Variants in SCN8A observed in about 807,000 individuals in gnomAD.
SCN8A encodes sodium channel protein type 8 subunit alpha.
A neutral mutation model predicts 184.1 loss-of-function variants in SCN8A; 30 were observed. That is an observed-to-expected ratio of 0.16 (90% CI 0.12 to 0.22). The LOEUF (loss-of-function observed/expected upper bound fraction) is 0.22. Ranked by LOEUF, SCN8A falls within the 10% of genes least tolerant of loss-of-function variation. The pLI, the probability that SCN8A is intolerant of heterozygous loss-of-function variation, is 1.00. For missense variants in SCN8A, 1,057 were observed against 2,498.9 expected, an observed-to-expected ratio of 0.42 and a Z score of 12.30; for synonymous variants, 852 against 907.0, an observed-to-expected ratio of 0.94 and a Z score of 1.09.
At chr12:51,595,493 A>G (rs12426436) in intron 1 of SCN8A, among the ~76,000 whole-genome samples, 3,421 of 152,300 alleles carry the variant, frequency 0.022, 193 homozygotes, top group East Asian at 0.19. Flanking sequence ...TGAGAAGAAA[A>G]TGTCAGAAGC....
chr12:51,701,930 T>A (rs1565892274), intron 8 of SCN8A, among the ~76,000 whole-genome samples: 2 of 152,184 alleles, frequency 1.3e-5, no homozygotes, highest in African/African-American at 4.8e-5. Flanking sequence ...GAAAGAAATA[T>A]GAGATGAATC....
At position 51,606,226 on chromosome 12, in the gene SCN8A, T is replaced by C. The variant is rs1939588890; in HGVS notation, c.-55+14867T>C. Among the ~76,000 whole-genome samples the C allele has an allele frequency of 2.0e-5, 3 of 152,248 alleles. No individual in the cohort carries two copies. In the South Asian group the frequency reaches 6.2e-4, roughly 32 times the overall value. ...CTAGAATTTTTATAGTTTCAGGTTT[T>C]AGATTTAAGTCCTTAATCCATCTTG... On this transcript the variant is annotated intron_variant, in intron 1 of 26. Coordinates refer to ENST00000627620, the MANE Select transcript of SCN8A (RefSeq NM_001330260.2).
chr12:51,750,132 C>T (rs568252445), intron 13 of SCN8A, among the ~76,000 whole-genome samples: 5 of 152,260 alleles, frequency 3.3e-5, no homozygotes, highest in Admixed American at 1.3e-4. Flanking sequence ...CCTTTGAGAT[C>T]GTCTAGTCCA....
intron 2 of SCN8A, among the ~76,000 whole-genome samples, chr12:51,679,721 C>CTTTTTGTTTTT (rs1941293421): frequency 1.2e-5 from 1 of 85,510 alleles, no homozygotes; most frequent in Non-Finnish European, 2.3e-5. Flanking sequence ...ACTATCTTGC[C>CTTTTTGTTTTT]TTTTTTTTTT....
intron 21 of SCN8A, among the ~76,000 whole-genome samples, chr12:51,782,965 C>T (rs901653974): frequency 1.3e-5 from 2 of 152,138 alleles, no homozygotes; most frequent in East Asian, 1.9e-4. Context: ...ATTTGAAAAG[C>T]GTCTACATCA....
chr12:51,802,866 T>C (rs1938594529), intron 26 of SCN8A, among the ~76,000 whole-genome samples: 1 of 152,194 alleles, frequency 6.6e-6, no homozygotes, highest in South Asian at 2.1e-4. Context: ...CTCCATACTA[T>C]CAGAAGTAGA....
At position 51,801,041 on chromosome 12, in the gene SCN8A, C is replaced by A. The variant is rs182767039; in HGVS notation, c.4796-5241C>A. Among the ~76,000 whole-genome samples the A allele has an allele frequency of 2.5e-3, 380 of 152,240 alleles. 3 individuals carry two copies. The highest frequency in any genetic ancestry group is 8.9e-3 in the African/African-American group (370 of 41,530). On this transcript the variant is annotated intron_variant, in intron 26 of 26. Coordinates refer to ENST00000627620, the MANE Select transcript of SCN8A (RefSeq NM_001330260.2). ...TCAAATTAGCCTTTTGTCCACTTGA[C>A]CTGGAAGTTTTCTGCTTACACAAAT...
At position 51,702,758 on chromosome 12, in the gene SCN8A, CCTTT is replaced by C. The variant is rs1565892528; in HGVS notation, c.993-6_993-3del. 3.2e-6 allele frequency: 5 copies of C among 1,565,146 alleles called. No individual in the cohort carries two copies. The highest frequency in any genetic ancestry group is 3.5e-6 in the Non-Finnish European group (4 of 1,154,122). On this transcript the variant is annotated splice_polypyrimidine_tract_variant and intron_variant, in intron 8 of 26. Transcript: ENST00000627620. The stretch of plus-strand genomic sequence containing the variant: ...ATTATGTTGAAAAGTCCTGAACTTC[CCTTT>C]CTTTCTTTAGGCAATGCCCAGAGGG...
At chr12:51,596,085 T>C (rs1939342544) in intron 1 of SCN8A, among the ~76,000 whole-genome samples, 1 of 152,206 alleles carries the variant, frequency 6.6e-6, no homozygotes. Context: ...TGAAATGGAC[T>C]CAAAGGCTGA....
intron 15 of SCN8A, 45 bp downstream of exon 15, chr12:51,762,721 A>G: frequency 1.3e-6 from 2 of 1,488,862 alleles, no homozygotes; most frequent in Non-Finnish European, 1.8e-6. Flanking sequence ...CCTATCTTGC[A>G]GCTACTAGAA....
chr12:51,798,357 T>G (rs780524010), intron 26 of SCN8A, among the ~76,000 whole-genome samples: 1 of 152,188 alleles, frequency 6.6e-6, no homozygotes, highest in Non-Finnish European at 1.5e-5. Flanking sequence ...GCAGAAGCAT[T>G]GCATGCAGGA....
chr12:51,728,731 C>CCA (rs1942193150), intron 12 of SCN8A, among the ~76,000 whole-genome samples: 1 of 140,486 alleles, frequency 7.1e-6, no homozygotes, highest in African/African-American at 2.8e-5. Context: ...CCCTGTTTCC[C>CCA]AAAAAAAAAA....
At chr12:51,591,460 G>C (rs1224893231) in intron 1 of SCN8A, 101 bp downstream of exon 1, 1 of 152,750 alleles carries the variant, frequency 6.5e-6, no homozygotes, top group Non-Finnish European at 1.5e-5. Flanking sequence ...TCTCCAGTCA[G>C]GGGCTTTGCC....
chr12:51,684,303 C>A lies in SCN8A; in HGVS notation c.395+11C>A. 7.7e-7 allele frequency: 1 copy of A among 1,297,224 alleles called. No homozygotes were observed. Among genetic ancestry groups the A allele is most frequent in the Non-Finnish European group, 1.1e-6 (1 of 891,206 alleles). The allele number at this position is 1,297,224 out of a possible 1,614,324, so 80.4% of individuals were successfully genotyped here. A position where few individuals can be genotyped will look rare whatever the true frequency, so the allele number is the denominator to read the frequency against. ...AATTTTGATACATTCATATCCTTTT[C>A]GGCAAATGTGGAGTGAGTGCGGCAA... On this transcript the variant is annotated intron_variant, in intron 3 of 26. Coordinates refer to ENST00000627620, the MANE Select transcript of SCN8A (RefSeq NM_001330260.2).
rs1226532829 is a variant in SCN8A, at chr12:51,769,981, A to T, written c.3486A>T (p.Thr1162=). The change falls in exon 18 of 27, where the codon ACA becomes ACT. Residue 1162 remains threonine, a synonymous_variant. Coordinates refer to ENST00000627620, the MANE Select transcript of SCN8A (RefSeq NM_001330260.2). ...EEYLDPDACF[T]EGCVQRFKCC... is the part of the protein sequence containing the mutation. Reference sequence around the variant, plus strand: ...ACTTGGATCCAGATGCCTGCTTCACAGAAGGTGAAAGGGGATGAGGAGCGG... The same window carrying T: ...ACTTGGATCCAGATGCCTGCTTCACTGAAGGTGAAAGGGGATGAGGAGCGG... 1 of 1,583,066 alleles carries T rather than the reference A, an allele frequency of 6.3e-7. No individual in the cohort carries two copies. Among genetic ancestry groups the T allele is most frequent in the Non-Finnish European group, 8.6e-7 (1 of 1,161,428 alleles).
chr12:51,746,110 C>G (rs754912939), intron 13 of SCN8A, 75 bp downstream of exon 13: 10 of 1,381,266 alleles, frequency 7.2e-6, no homozygotes, highest in Non-Finnish European at 9.6e-6. Flanking sequence ...AATCCCTGTC[C>G]CTTGGTCTGA....
chr12:51,751,299 T>C, intron 13 of SCN8A, 56 bp from the exon 14 acceptor site: 1 of 1,134,370 alleles, frequency 8.8e-7, no homozygotes, highest in Non-Finnish European at 1.3e-6. Context: ...GAGTAGTGTG[T>C]CCCCCTGGTT....
intron 25 of SCN8A, among the ~76,000 whole-genome samples, chr12:51,791,233 A>G (rs1938242398): frequency 6.6e-6 from 1 of 152,192 alleles, no homozygotes; most frequent in Admixed American, 6.5e-5. Context: ...ACCCAGCAGA[A>G]CCTTTAATAC....
chr12:51,671,993 T>G (rs541565115), intron 2 of SCN8A, among the ~76,000 whole-genome samples: 1 of 152,286 alleles, frequency 6.6e-6, no homozygotes, highest in East Asian at 1.9e-4. Context: ...TCAAGACCAA[T>G]CCCTCACCCC....
Sources: allele counts gnomAD v4.1 joint callset (sites outside exome capture counted in the v4.1 genomes callset), GRCh38; gene constraint gnomAD v4.1.1; transcripts MANE v1.5; gene names NCBI Gene and HGNC (gene_info 2026-07-23, HGNC 2026-07-21).